Variants in WASF3 observed in about 807,000 individuals in gnomAD.
The protein encoded by WASF3 is WASP family member 3.
Under a neutral mutation model 46.6 loss-of-function variants are expected in WASF3, and 11 were observed. The observed-to-expected ratio is 0.24, with a 90% CI of 0.15 to 0.39. The LOEUF (loss-of-function observed/expected upper bound fraction) is 0.39. Ranked by LOEUF, WASF3 falls within the 10% of genes least tolerant of loss-of-function variation. The probability of loss-of-function intolerance (pLI) is 1.00; values close to 1 mark genes in which losing one functional copy is unlikely to be tolerated. For missense variants in WASF3, 576 were observed against 669.8 expected (o/e 0.86, Z 1.55); for synonymous variants, 242 against 259.7 (o/e 0.93, Z 0.65).
chr13:26,685,592 A>C, intron 9 of WASF3, 96 bp from the exon 10 acceptor site: 1 of 1,442,894 alleles, frequency 6.9e-7, no homozygotes. Context: ...CCTTAGTGTC[A>C]GTAGAAAAAA....
intron 1 of WASF3, among the ~76,000 whole-genome samples, chr13:26,564,733 A>T (rs1879404625): frequency 6.6e-6 from 1 of 152,174 alleles, no homozygotes. Flanking sequence ...GATACTCAAC[A>T]AGTATTTTTA....
At chr13:26,663,125 A>G (rs750385187) in intron 3 of WASF3, among the ~76,000 whole-genome samples, 6 of 152,194 alleles carry the variant, frequency 3.9e-5, no homozygotes, top group Non-Finnish European at 8.8e-5. Context: ...AGTTAGCCGT[A>G]GAGAGAGGGA....
At chr13:26,599,780 C>G (rs1030555098) in intron 1 of WASF3, among the ~76,000 whole-genome samples, 1 of 152,164 alleles carries the variant, frequency 6.6e-6, no homozygotes, top group Non-Finnish European at 1.5e-5. Context: ...CTGTAGGTTT[C>G]TTTGTGTTCT....
At chr13:26,591,972 C>G (rs1296233131) in intron 1 of WASF3, among the ~76,000 whole-genome samples, 1 of 150,862 alleles carries the variant, frequency 6.6e-6, no homozygotes, top group African/African-American at 2.4e-5. Flanking sequence ...GAATGGATGT[C>G]TAACTGGAAA....
chr13:26,602,164 G>A (rs1307868251), intron 1 of WASF3, among the ~76,000 whole-genome samples: 4 of 152,108 alleles, frequency 2.6e-5, no homozygotes, highest in African/African-American at 7.2e-5. Flanking sequence ...TGGTAGTTCC[G>A]GGGTGGAACT....
intron 2 of WASF3, 101 bp from the exon 3 acceptor site, chr13:26,642,160 A>G: frequency 7.6e-7 from 1 of 1,321,188 alleles, no homozygotes; most frequent in Non-Finnish European, 1.0e-6. Context: ...TTTTAGGATA[A>G]TGAAAATTCC....
At position 26,682,870 on chromosome 13, in the gene WASF3, C is replaced by A. The variant is rs757312416; in HGVS notation, c.1247C>A (p.Ser416Tyr). Reference sequence around the variant, plus strand: ...CCTGGTCCCGGGTCTTCTCTTTCGTCCTCCCCAATGCATGGCCCCCCAGTA... The same window carrying A: ...CCTGGTCCCGGGTCTTCTCTTTCGTACTCCCCAATGCATGGCCCCCCAGTA... ...GPPGPGSSLS[S>Y]SPMHGPPVAE... Residue 416 changes from serine (S) to tyrosine (Y), a missense_variant, in exon 9 of 10, where the codon TCC (serine) becomes TAC (tyrosine). Physicochemically the swap from Ser to Tyr is moderately radical, Grantham distance 144. Transcript: ENST00000335327. The surrounding 1 kb of genome is among the most constrained non-coding windows in gnomAD (Gnocchi z 4.4). The A allele has an allele frequency of 1.9e-6, 3 of 1,611,984 alleles. No homozygotes were observed. In the South Asian group the frequency reaches 3.3e-5, roughly 18 times the overall value.
intron 1 of WASF3, chr13:26,577,248 G>T: frequency 1.4e-6 from 1 of 736,194 alleles, no homozygotes; most frequent in Non-Finnish European, 2.5e-6. Context: ...AGTGATTAAA[G>T]CTCATGTTGA....
intron 2 of WASF3, among the ~76,000 whole-genome samples, chr13:26,629,214 G>T (rs1317474176): frequency 2.0e-5 from 3 of 152,200 alleles, no homozygotes; most frequent in African/African-American, 7.2e-5. Context: ...TGTGTTCAGT[G>T]TCTCTTTGGT....
chr13:26,615,484 T>G (rs1051888403), intron 2 of WASF3, among the ~76,000 whole-genome samples: 1 of 152,094 alleles, frequency 6.6e-6, no homozygotes, highest in Admixed American at 6.5e-5. Flanking sequence ...AATTTTTGTA[T>G]TTTTAATAGA....
At chr13:26,578,993 C>CTTTTTTTTTTTTTTTTTTTTGTT (rs1879888654) in intron 1 of WASF3, among the ~76,000 whole-genome samples, 1 of 60,638 alleles carries the variant, frequency 1.6e-5, no homozygotes, top group Non-Finnish European at 2.8e-5. Context: ...GATACATTTC[C>CTTTTTTTTTTTTTTTTTTTTGTT]TTTTTTTTTT....
chr13:26,561,288 T>C lies in WASF3; in HGVS notation c.-109+3469T>C, dbSNP rs1377213437. ...GAGGGAAGGCTTGAAGCAGGGAAAT[T>C]TGAGGAGGTAGAATTGCTGGGATTT... On this transcript the variant is annotated intron_variant, in intron 1 of 9. Coordinates refer to ENST00000335327, the MANE Select transcript of WASF3 (RefSeq NM_006646.6). Among the ~76,000 whole-genome samples the C allele has an allele frequency of 2.6e-5, 4 of 151,814 alleles. No homozygotes were observed. In the South Asian group the frequency reaches 6.3e-4, roughly 24 times the overall value.
At chr13:26,566,878 G>A (rs1879482509) in intron 1 of WASF3, among the ~76,000 whole-genome samples, 2 of 152,346 alleles carry the variant, frequency 1.3e-5, no homozygotes, top group South Asian at 4.1e-4. Context: ...ACTTGTGTGA[G>A]CATCCTGGTG....
chr13:26,556,124 A>G (rs1879091632), upstream of WASF3, among the ~76,000 whole-genome samples: 1 of 152,220 alleles, frequency 6.6e-6, no homozygotes, highest in African/African-American at 2.4e-5. Flanking sequence ...GAGAGGTAAG[A>G]CTGACCTATA....
intron 1 of WASF3, among the ~76,000 whole-genome samples, chr13:26,559,815 T>TC (rs1566034628): frequency 3.1e-5 from 3 of 97,070 alleles, no homozygotes; most frequent in Non-Finnish European, 4.4e-5. Flanking sequence ...TTTCTTTTTT[T>TC]TTTTTTTTTT....
chr13:26,648,852 C>G (rs1179048861), intron 3 of WASF3, among the ~76,000 whole-genome samples: 1 of 152,096 alleles, frequency 6.6e-6, no homozygotes, highest in Non-Finnish European at 1.5e-5. Context: ...CCCCACCACC[C>G]CGACAAAAGG....
chr13:26,576,420 C>A (rs371027693), intron 1 of WASF3, among the ~76,000 whole-genome samples: 58 of 152,106 alleles, frequency 3.8e-4, no homozygotes, highest in Middle Eastern at 3.4e-3. Context: ...TTGCATCATA[C>A]AGTAGTGGTT....
At chr13:26,578,587 C>G (rs750229757) in intron 1 of WASF3, among the ~76,000 whole-genome samples, 9 of 152,144 alleles carry the variant, frequency 5.9e-5, no homozygotes, top group Non-Finnish European at 1.2e-4. Context: ...TTTCTTTAAC[C>G]AATTCACAAG....
intron 2 of WASF3, among the ~76,000 whole-genome samples, chr13:26,632,504 G>T (rs919118208): frequency 6.6e-6 from 1 of 152,206 alleles, no homozygotes; most frequent in Admixed American, 6.5e-5. Flanking sequence ...AACCAGCCTT[G>T]CATCCCAGGC....
Sources: gnomAD v4.1 joint callset for allele counts (sites outside exome capture counted in the v4.1 genomes callset) on GRCh38, gnomAD v4.1.1 for gene constraint, Gnocchi (gnomAD v3.1) non-coding constraint, MANE v1.5 for transcripts, NCBI Gene and HGNC (gene_info 2026-07-23, HGNC 2026-07-21) for gene names.